Variants in ARCN1 observed in about 807,000 individuals in gnomAD.
The protein encoded by ARCN1 is coatomer subunit delta.
Under a neutral mutation model 60.4 loss-of-function variants are expected in ARCN1, and 5 were observed. That is an observed-to-expected ratio of 0.08 (90% confidence interval 0.04 to 0.17). The LOEUF (loss-of-function observed/expected upper bound fraction) is 0.17, where lower values mean the gene tolerates loss of function less well. Among genes scored for constraint, ARCN1 ranks in the 10% least tolerant of loss-of-function variants. The pLI is 1.00. For synonymous variants in ARCN1, 224 were observed against 220.0 expected, an observed-to-expected ratio of 1.02 and a Z score of -0.16; for missense variants, 464 against 626.5, an observed-to-expected ratio of 0.74 and a Z score of 2.77.
At chr11:118,594,843 C>T (rs1380395862) in intron 8 of ARCN1, among the ~76,000 whole-genome samples, 1 of 151,818 alleles carries the variant, frequency 6.6e-6, no homozygotes, top group Admixed American at 6.6e-5. Context: ...AGCCACCGCA[C>T]CTGGCTATTT....
At chr11:118,584,362 A>G (rs1020067916) in intron 4 of ARCN1, 118 bp from the exon 5 acceptor site, 1 of 907,432 alleles carries the variant, frequency 1.1e-6, no homozygotes, top group East Asian at 2.7e-5. Context: ...CCAAAATTAT[A>G]TACAAAATTT....
At chr11:118,599,803 T>C (rs1939111750) in intron 9 of ARCN1, among the ~76,000 whole-genome samples, 1 of 152,174 alleles carries the variant, frequency 6.6e-6, no homozygotes, top group Non-Finnish European at 1.5e-5. Flanking sequence ...TTTGACTTGC[T>C]TGTTGTTCTG....
intron 7 of ARCN1, among the ~76,000 whole-genome samples, chr11:118,593,270 C>G (rs561651295): frequency 6.6e-6 from 1 of 152,204 alleles, no homozygotes; most frequent in East Asian, 1.9e-4. Context: ...CCTCTGTCAC[C>G]CAGGCTGGAG....
At chr11:118,596,391 G>C (rs1223942106) in intron 8 of ARCN1, among the ~76,000 whole-genome samples, 2 of 152,128 alleles carry the variant, frequency 1.3e-5, no homozygotes, top group Non-Finnish European at 2.9e-5. Context: ...TGGTTGTGGT[G>C]GTTTCCTGTA....
chr11:118,574,986 T>A (rs1050606822), intron 1 of ARCN1, among the ~76,000 whole-genome samples: 1 of 152,142 alleles, frequency 6.6e-6, no homozygotes, highest in Non-Finnish European at 1.5e-5. Flanking sequence ...TTTTCTTGTT[T>A]GTTTGGTTTT....
chr11:118,584,339 AT>A (rs782207880), intron 4 of ARCN1, 140 bp from the exon 5 acceptor site: 62 of 753,014 alleles, frequency 8.2e-5, no homozygotes, highest in Non-Finnish European at 1.1e-4. Flanking sequence ...TTTAGGGGAA[AT>A]CTGTGAATTA....
chr11:118,581,168 A>G (rs1555074487), intron 1 of ARCN1, 78 bp from the exon 2 acceptor site: 28 of 1,542,978 alleles, frequency 1.8e-5, no homozygotes, highest in African/African-American at 2.7e-5. Context: ...ATGTCATTCT[A>G]TGGAACATTT....
At chr11:118,577,785 A>G (rs1486465763) in intron 1 of ARCN1, among the ~76,000 whole-genome samples, 1 of 152,174 alleles carries the variant, frequency 6.6e-6, no homozygotes, top group African/African-American at 2.4e-5. Flanking sequence ...TCGATAAATA[A>G]TTACTCAGTT....
At position 118,584,494 on chromosome 11, in the gene ARCN1, G is replaced by A. The variant is rs1355121383; in HGVS notation, c.668G>A (p.Ser223Asn). The A allele has an allele frequency of 1.4e-5, 23 of 1,611,668 alleles. No homozygotes were observed. The highest frequency in any genetic ancestry group is 1.9e-5 in the Non-Finnish European group (22 of 1,179,426). ...CTTCCACTTAGGCCTTCAGGCCCCA[G>A]CAAGGCTTTAAAACTTGGAGCCAAA... ...APAPARPSGP[S>N]KALKLGAKGK... The change falls in exon 5 of 10, where the codon AGC (serine) becomes AAC (asparagine). Residue 223 changes from serine to asparagine, a missense_variant. Ser to Asn is a conservative substitution (Grantham distance 46). Transcript: ENST00000264028.
At chr11:118,578,986 CTG>C (rs1194617825) in intron 1 of ARCN1, among the ~76,000 whole-genome samples, 1 of 139,930 alleles carries the variant, frequency 7.1e-6, no homozygotes, top group Non-Finnish European at 1.5e-5. Flanking sequence ...ACTAATGGTG[CTG>C]TTTTACATCA....
At chr11:118,593,195 C>T (rs557320094) in intron 7 of ARCN1, among the ~76,000 whole-genome samples, 4 of 151,848 alleles carry the variant, frequency 2.6e-5, no homozygotes, top group Admixed American at 1.3e-4. Flanking sequence ...TCTTTAGTAG[C>T]TGGGACTAGG....
At position 118,577,345 on chromosome 11, in the gene ARCN1, C is replaced by G. The variant is rs935761364; in HGVS notation, c.4-3901C>G. ...TACTGCAACTTCCGCCTCCCAGGTT[C>G]AAGCAATCCTCCCACCTCACTCTCC... On this transcript the variant is annotated intron_variant, in intron 1 of 9. Transcript: ENST00000264028. 3.3e-5 allele frequency among the ~76,000 whole-genome samples: 5 copies of G among 151,976 alleles called. No homozygotes were observed. In the South Asian group the frequency reaches 1.0e-3, roughly 32 times the overall value.
At chr11:118,593,470 A>G (rs1000757095) in intron 7 of ARCN1, 120 bp from the exon 8 acceptor site, 8 of 605,860 alleles carry the variant, frequency 1.3e-5, no homozygotes, top group African/African-American at 5.6e-5. Flanking sequence ...GCCTCAACCA[A>G]TCCTCCCACC....
chr11:118,581,558 A>G (rs1555074646), intron 2 of ARCN1, 49 bp downstream of exon 2: 3 of 1,553,474 alleles, frequency 1.9e-6, no homozygotes, highest in Admixed American at 2.0e-5. Context: ...TTTACATTTT[A>G]TGTGAAACTA....
intron 1 of ARCN1, among the ~76,000 whole-genome samples, chr11:118,576,830 A>G (rs1938526368): frequency 6.6e-6 from 1 of 152,110 alleles, no homozygotes. Context: ...GGATAATGGA[A>G]TGACTCAAAG....
rs782787295 is a variant in ARCN1 at position 118,602,153 on chromosome 11, T to A, written c.*1439T>A. The A allele has an allele frequency of 1.9e-4, 36 of 193,514 alleles. No individual in the cohort carries two copies. The highest frequency in any genetic ancestry group is 5.4e-4 in the Admixed American group (10 of 18,470). The allele number at this position is 193,514 out of a possible 1,614,324, so 12.0% of individuals were successfully genotyped here. Reference sequence around the variant, plus strand: ...GCATTTCAGGAGGCAACTGATTGTTTCGATATGTACATATTACTCACGTAT... The same window carrying A: ...GCATTTCAGGAGGCAACTGATTGTTACGATATGTACATATTACTCACGTAT... On this transcript the variant is annotated 3_prime_UTR_variant, in exon 10 of 10. Coordinates refer to ENST00000264028, the MANE Select transcript of ARCN1 (RefSeq NM_001655.5).
chr11:118,585,819 G>A (rs1259817770), intron 5 of ARCN1, among the ~76,000 whole-genome samples: 2 of 152,168 alleles, frequency 1.3e-5, no homozygotes, highest in Admixed American at 6.5e-5. Flanking sequence ...GATTACAGGC[G>A]TCAGCCACCA....
intron 8 of ARCN1, among the ~76,000 whole-genome samples, chr11:118,595,371 C>T (rs1939003063): frequency 6.6e-6 from 1 of 152,202 alleles, no homozygotes; most frequent in African/African-American, 2.4e-5. Context: ...AAGATGTCTA[C>T]ATTAGTTACA....
rs1939177042 is a variant in ARCN1, at chr11:118,602,819, T to G, written c.*2105T>G. ...TTCTGAGATTACTTTTGGGGTAATA[T>G]TTAAAATGAGAGACATTTTGTAACC... On this transcript the variant is annotated 3_prime_UTR_variant, in exon 10 of 10. Transcript: ENST00000264028. The G allele has an allele frequency of 6.5e-6, 1 of 153,750 alleles. No homozygotes were observed. The highest frequency in any genetic ancestry group is 2.1e-4 in the South Asian group (1 of 4,832). 9.5% of individuals were successfully genotyped at this position (153,750 alleles called of 1,614,324 possible).
Sources: allele counts gnomAD v4.1 joint callset (sites outside exome capture counted in the v4.1 genomes callset), GRCh38; gene constraint gnomAD v4.1.1; transcripts MANE v1.5; gene names NCBI Gene and HGNC (gene_info 2026-07-23, HGNC 2026-07-21).